The following RFC2 variants were observed in gnomAD, a reference collection of about 807,000 sequenced individuals.
RFC2 encodes replication factor C subunit 2.
RFC2 carries 34 observed loss-of-function variants against 44.8 expected under a neutral mutation model. The ratio of observed to expected loss-of-function variants is 0.76; its 90% CI spans 0.58 to 1.01. The LOEUF (loss-of-function observed/expected upper bound fraction) is 1.01, where lower values mean the gene tolerates loss of function less well. Ranked by LOEUF, RFC2 falls within the 50% of genes least tolerant of loss-of-function variation. The pLI is 0.00. For synonymous variants in RFC2, 177 were observed against 168.9 expected (o/e 1.05, Z -0.37); for missense variants, 400 against 453.6 (o/e 0.88, Z 1.07).
chr7:74,252,404 C>G (rs782114161), intron 2 of RFC2, 25 bp downstream of exon 2: 16 of 1,290,192 alleles, frequency 1.2e-5, no homozygotes, highest in Middle Eastern at 4.2e-4. Flanking sequence ...GAGACTCTGT[C>G]TCAAAAAAAA....
intron 9 of RFC2, 83 bp from the exon 10 acceptor site, chr7:74,235,728 G>T: frequency 1.1e-6 from 1 of 914,328 alleles, no homozygotes. Context: ...ACAGCTGGTG[G>T]GGCCCACCCT....
chr7:74,241,789 G>A (rs1486983585), intron 6 of RFC2, among the ~76,000 whole-genome samples: 2 of 152,104 alleles, frequency 1.3e-5, no homozygotes, highest in Non-Finnish European at 2.9e-5. Flanking sequence ...GTGAAACCTC[G>A]TCTCTAAGAA....
At chr7:74,253,634 T>A (rs993362884) in intron 1 of RFC2, 2 of 153,508 alleles carry the variant, frequency 1.3e-5, no homozygotes, top group African/African-American at 2.4e-5. Flanking sequence ...TGAGGCAGAA[T>A]TGATTGAACC....
intron 10 of RFC2, chr7:74,233,870 A>G (rs1802864634): frequency 2.2e-6 from 1 of 456,508 alleles, no homozygotes; most frequent in African/African-American, 2.0e-5. Context: ...TGCTGCAGCC[A>G]CTTCGGAAAA....
intron 5 of RFC2, 147 bp from the exon 6 acceptor site, chr7:74,243,393 A>T: frequency 1.6e-6 from 1 of 617,360 alleles, no homozygotes; most frequent in Non-Finnish European, 2.9e-6. Context: ...CTCTAATGCT[A>T]ACACCTGCAG....
At chr7:74,239,041 G>C (rs1554718829) in intron 7 of RFC2, 53 bp from the exon 8 acceptor site, 1 of 1,459,742 alleles carries the variant, frequency 6.9e-7, no homozygotes, top group African/African-American at 1.4e-5. Flanking sequence ...ATTTCTTTTT[G>C]AGTAGAGACA....
intron 5 of RFC2, among the ~76,000 whole-genome samples, chr7:74,244,013 G>T (rs1166333569): frequency 2.7e-5 from 4 of 150,726 alleles, no homozygotes; most frequent in East Asian, 4.0e-4. Context: ...CACATTGGGA[G>T]GCCGAGGCAG....
chr7:74,252,495 A>C lies in RFC2; in HGVS notation c.117T>G (p.Val39=). 6.3e-7 allele frequency: 1 copy of C among 1,590,380 alleles called. No homozygotes were observed. The highest frequency in any genetic ancestry group is 1.1e-5 in the South Asian group (1 of 90,614). ...TCAGCTTTACTGGCCTATATTTTTC[A>C]ACCCTGTTAAGAAAATGCATAAAAA... ...GSAGHYELPW[V]EKYRPVKLNE... is the part of the protein sequence containing the mutation. The change falls in exon 2 of 11, where the codon GTT becomes GTG. Residue 39 remains valine, a synonymous_variant. Coordinates refer to ENST00000055077, the MANE Select transcript of RFC2 (RefSeq NM_181471.3).
chr7:74,252,345 TG>T (rs1787012165), intron 2 of RFC2, 83 bp downstream of exon 2: 1 of 745,326 alleles, frequency 1.3e-6, no homozygotes, highest in African/African-American at 1.8e-5. Context: ...AGGCGGAGCT[TG>T]CAGTGAGCGG....
intron 2 of RFC2, among the ~76,000 whole-genome samples, chr7:74,252,140 G>A (rs536152435): frequency 0.013 from 1,892 of 143,186 alleles, 16 homozygotes; most frequent in Non-Finnish European, 0.02. Context: ...AGGTGTGGTG[G>A]CTCACGCCTG....
chr7:74,233,599 T>G (rs999194762), intron 10 of RFC2, among the ~76,000 whole-genome samples: 10 of 148,680 alleles, frequency 6.7e-5, no homozygotes, highest in Admixed American at 2.0e-4. Flanking sequence ...TTATTGGTTT[T>G]TTTTTTTTTT....
chr7:74,249,835 TAAAAAAGATAG>T, intron 2 of RFC2, 55 bp from the exon 3 acceptor site: 4 of 1,429,832 alleles, frequency 2.8e-6, no homozygotes, highest in Non-Finnish European at 3.9e-6. Context: ...GATGACTACA[TAAAAAAGATAG>T]AAAAAAGAAC....
chr7:74,240,128 C>T, intron 6 of RFC2, 33 bp from the exon 7 acceptor site: 1 of 1,597,634 alleles, frequency 6.3e-7, no homozygotes, highest in Non-Finnish European at 8.6e-7. Flanking sequence ...TGAGGCTTCC[C>T]TGCAGAGGCC....
chr7:74,244,384 GCT>G (rs1803489664), intron 5 of RFC2, among the ~76,000 whole-genome samples: 1 of 150,526 alleles, frequency 6.6e-6, no homozygotes, highest in Admixed American at 6.6e-5. Context: ...ACAGAGTCTT[GCT>G]CTGTTGCCCA....
At chr7:74,235,395 T>TG in intron 10 of RFC2, 137 bp downstream of exon 10, 2 of 668,270 alleles carry the variant, frequency 3.0e-6, no homozygotes, top group Non-Finnish European at 5.6e-6. Context: ...TTGGCCAGGC[T>TG]GGTCTCGAAC....
At chr7:74,250,933 C>T (rs141923927) in intron 2 of RFC2, among the ~76,000 whole-genome samples, 14 of 152,216 alleles carry the variant, frequency 9.2e-5, no homozygotes, top group East Asian at 1.9e-4. Flanking sequence ...GGATTACAGA[C>T]GCCCACCACC....
At chr7:74,233,858 C>T (rs1477747914) in intron 10 of RFC2, 5 of 456,448 alleles carry the variant, frequency 1.1e-5, no homozygotes, top group South Asian at 3.1e-5. Context: ...TGGGAATGCA[C>T]GTGCTGCAGC....
At chr7:74,240,408 A>G (rs1160654906) in intron 6 of RFC2, among the ~76,000 whole-genome samples, 1 of 151,858 alleles carries the variant, frequency 6.6e-6, no homozygotes, top group African/African-American at 2.4e-5. Flanking sequence ...AGGCTAAGGC[A>G]AGAGACTCGC....
rs77662549 is a variant in RFC2, at chr7:74,233,476, C to T, written c.955-1260G>A. Among the ~76,000 whole-genome samples the T allele has an allele frequency of 4.9e-3, 743 of 151,922 alleles. 8 individuals are homozygous for T. The highest frequency in any genetic ancestry group is 0.016 in the African/African-American group (672 of 41,432). On this transcript the variant is annotated intron_variant, in intron 10 of 10. Transcript: ENST00000055077. ...AACAGATGTTTCATCAAAGAAGATT[C>T]TGGATGGCAAACGAGCACATGATTA...
Sources: gnomAD v4.1 joint callset for allele counts (sites outside exome capture counted in the v4.1 genomes callset) on GRCh38, gnomAD v4.1.1 for gene constraint, MANE v1.5 for transcripts, NCBI Gene and HGNC (gene_info 2026-07-23, HGNC 2026-07-21) for gene names.